The following HLA-DRB5 variants were observed in gnomAD, a reference collection of about 807,000 sequenced individuals.
HLA-DRB5 encodes the protein major histocompatibility complex, class II, DR beta 5.
A neutral mutation model predicts 22.4 loss-of-function variants in HLA-DRB5; 11 were observed. That is an observed-to-expected ratio of 0.49 (90% CI 0.31 to 0.81). The LOEUF is 0.81. Ranked by LOEUF, HLA-DRB5 falls within the 40% of genes least tolerant of loss-of-function variation. The pLI, the probability that HLA-DRB5 is intolerant of heterozygous loss-of-function variation, is 0.05. For synonymous variants in HLA-DRB5, 57 were observed against 106.0 expected (o/e 0.54, Z 2.84); for missense variants, 106 against 274.4 (o/e 0.39, Z 4.34).
chr6:32,524,765 C>T (rs74870936), intron 1 of HLA-DRB5, among the ~76,000 whole-genome samples: 13,557 of 65,352 alleles, frequency 0.21, 483 homozygotes, highest in Admixed American at 0.25. Flanking sequence ...GCTTGCATGG[C>T]TAGCACTGTA....
intron 1 of HLA-DRB5, among the ~76,000 whole-genome samples, chr6:32,524,194 C>T (rs113934686): frequency 0.78 from 76,435 of 97,706 alleles, 34,675 homozygotes; most frequent in Middle Eastern, 0.91. Flanking sequence ...AAAACGAATG[C>T]TTTATAGAAT....
intron 2 of HLA-DRB5, among the ~76,000 whole-genome samples, chr6:32,520,464 A>C (rs35838968): frequency 0.64 from 34,499 of 53,942 alleles, 13,847 homozygotes; most frequent in Middle Eastern, 0.75. Flanking sequence ...GATTAAGGAA[A>C]GTTATTTTAG....
intron 3 of HLA-DRB5, among the ~76,000 whole-genome samples, chr6:32,519,018 T>C (rs979322943): frequency 0.068 from 4,724 of 69,488 alleles, no homozygotes; most frequent in Non-Finnish European, 0.082. Context: ...CCTACACTTC[T>C]CCTCTTCCCA....
chr6:32,521,809 TCTCACA>T lies in HLA-DRB5; in HGVS notation c.370+90_370+95del, dbSNP rs1297793629. ...CTCTCTGTCTCTCTCTTCCTCTCTC[TCTCACA>T]CACACACACACACACACACACACAC... On this transcript the variant is annotated intron_variant, in intron 2 of 5. Coordinates refer to ENST00000374975, the MANE Select transcript of HLA-DRB5 (RefSeq NM_002125.4). 1.4e-4 allele frequency: 45 copies of T among 330,054 alleles called. 3 individuals are homozygous for T. The highest frequency in any genetic ancestry group is 2.0e-4 in the Non-Finnish European group (42 of 210,266). The allele number at this position is 330,054 out of a possible 1,614,324, so 20.4% of individuals were successfully genotyped here.
intron 2 of HLA-DRB5, among the ~76,000 whole-genome samples, chr6:32,521,324 C>CTAAAA (rs200741665): frequency 0.058 from 6,675 of 114,360 alleles, 7 homozygotes; most frequent in East Asian, 0.094. Context: ...AAATTTAGAC[C>CTAAAA]TAAAGAAGCT....
chr6:32,519,327 T>G (rs111675168), intron 3 of HLA-DRB5, 43 bp downstream of exon 3: 153,677 of 831,742 alleles, frequency 0.18, 3,134 homozygotes, highest in Admixed American at 0.29. Context: ...TAAAGTTTGC[T>G]TCTTGGTGGT....
intron 1 of HLA-DRB5, among the ~76,000 whole-genome samples, chr6:32,529,205 A>G (rs377153832): frequency 2.4e-5 from 3 of 126,218 alleles, no homozygotes; most frequent in South Asian, 2.7e-4. Context: ...AACAATGTCC[A>G]CATTCTCTCT....
chr6:32,523,308 A>C (rs113698029), intron 1 of HLA-DRB5, among the ~76,000 whole-genome samples: 1 of 32,286 alleles, frequency 3.1e-5, no homozygotes, highest in Non-Finnish European at 6.5e-5. Context: ...TGGTGACATG[A>C]GCTTCTGTAG....
intron 1 of HLA-DRB5, among the ~76,000 whole-genome samples, chr6:32,527,132 C>A (rs796650653): frequency 2.3e-5 from 3 of 127,874 alleles, no homozygotes; most frequent in Non-Finnish European, 3.3e-5. Context: ...CCCTGCTGTG[C>A]TCCTAAATAG....
intron 1 of HLA-DRB5, among the ~76,000 whole-genome samples, chr6:32,524,135 CA>C (rs879675981): frequency 0.01 from 472 of 46,186 alleles, 12 homozygotes; most frequent in Non-Finnish European, 0.014. Flanking sequence ...GGTTATGGAG[CA>C]GCTGAGAATT....
At chr6:32,522,589 A>C (rs184538485) in intron 1 of HLA-DRB5, among the ~76,000 whole-genome samples, 154 of 34,042 alleles carry the variant, frequency 4.5e-3, no homozygotes, top group Admixed American at 5.4e-3. Flanking sequence ...TCCTGTGAAC[A>C]CTCCTTTAGT....
rs41544215 is a variant in HLA-DRB5, at chr6:32,521,976, C to T, written c.299G>A (p.Arg100Lys). The T allele has an allele frequency of 0.067, 82,436 of 1,231,378 alleles. 11,426 individuals are homozygous for T. Among genetic ancestry groups the T allele is most frequent in the African/African-American group, 0.1 (4,163 of 39,756 alleles). The allele number at this position is 1,231,378 out of a possible 1,614,324, so 76.3% of individuals were successfully genotyped here. A position where few individuals can be genotyped will look rare whatever the true frequency, so the allele number is the denominator to read the frequency against. The change falls in exon 2 of 6, where the codon AGG becomes AAG. Residue 100 changes from arginine (R) to lysine (K), a missense_variant. Physicochemically the swap from Arg to Lys is conservative, Grantham distance 26. Coordinates refer to ENST00000374975, the MANE Select transcript of HLA-DRB5 (RefSeq NM_002125.4). ...GCAGTAGGTGTCCACCGCGGCGCGC[C>T]TGTCTTCCAGGAAGTCCTTCTGGCT... ...WNSQKDFLEDRRAAVDTYCRH... is the reference protein window; with the variant it reads ...WNSQKDFLEDKRAAVDTYCRH...
Position 32,521,811 on chromosome 6 carries a change from T to TCACACACACACACACACA in HLA-DRB5, c.370+76_370+93dup. ...CTCTGTCTCTCTCTTCCTCTCTCTC[T>TCACACACACACACACACA]CACACACACACACACACACACACAC... On this transcript the variant is annotated intron_variant, in intron 2 of 5. Coordinates refer to ENST00000374975, the MANE Select transcript of HLA-DRB5 (RefSeq NM_002125.4). 125 of 249,234 alleles carry TCACACACACACACACACA rather than the reference T, an allele frequency of 5.0e-4. 1 individual carries two copies. Among genetic ancestry groups the TCACACACACACACACACA allele is most frequent in the Non-Finnish European group, 6.2e-4 (94 of 152,446 alleles). 15.4% of individuals were successfully genotyped at this position (249,234 alleles called of 1,614,324 possible). A position where few individuals can be genotyped will look rare whatever the true frequency, so the allele number is the denominator to read the frequency against.
chr6:32,526,293 G>GA lies in HLA-DRB5; in HGVS notation c.100+3831dup, dbSNP rs1185027364. On this transcript the variant is annotated intron_variant, in intron 1 of 5. Transcript: ENST00000374975. ...CACAATTGGCCTCTCCCTTCTCCTT[G>GA]AAAAAAAAAAATCTATTTTTCTTGA... Among the ~76,000 whole-genome samples, 7 of 27,198 alleles carry GA rather than the reference G, an allele frequency of 2.6e-4. 1 individual carries two copies. Among genetic ancestry groups the GA allele is most frequent in the African/African-American group, 5.7e-4 (4 of 7,010 alleles). 17.8% of individuals were successfully genotyped at this position (27,198 alleles called of 152,430 possible).
chr6:32,518,891 C>G (rs535866271), intron 3 of HLA-DRB5, among the ~76,000 whole-genome samples: 5,346 of 35,362 alleles, frequency 0.15, 1,245 homozygotes, highest in Middle Eastern at 0.28. Flanking sequence ...TAAGGCACGG[C>G]TTCAACATCT....
chr6:32,521,488 A>T (rs117090280), intron 2 of HLA-DRB5, among the ~76,000 whole-genome samples: 59,004 of 108,552 alleles, frequency 0.54, 17,556 homozygotes, highest in Middle Eastern at 0.67. Flanking sequence ...CAAATCTTCC[A>T]CACCCCTCAG....
At chr6:32,521,365 C>G (rs1768842717) in intron 2 of HLA-DRB5, among the ~76,000 whole-genome samples, 1 of 131,840 alleles carries the variant, frequency 7.6e-6, no homozygotes, top group African/African-American at 2.8e-5. Context: ...TCCTCAATTC[C>G]CCTAGAAATT....
intron 2 of HLA-DRB5, among the ~76,000 whole-genome samples, chr6:32,520,424 G>A (rs1192652639): frequency 0.2 from 11,572 of 57,236 alleles, 81 homozygotes; most frequent in Middle Eastern, 0.25. Context: ...TAAGTTCCCA[G>A]CAAAGCATGA....
intron 1 of HLA-DRB5, among the ~76,000 whole-genome samples, chr6:32,529,808 G>T (rs115035985): frequency 0.066 from 7,518 of 114,550 alleles, no homozygotes; most frequent in African/African-American, 0.093. Flanking sequence ...ATAAAGGGAA[G>T]TGCTGTATGG....
Sources: gnomAD v4.1 joint callset for allele counts (sites outside exome capture counted in the v4.1 genomes callset) on GRCh38, gnomAD v4.1.1 for gene constraint, MANE v1.5 for transcripts, NCBI Gene and HGNC (gene_info 2026-07-23, HGNC 2026-07-21) for gene names.